Variants in SIPA1L3 observed in about 807,000 individuals in gnomAD.
SIPA1L3 encodes signal induced proliferation associated 1 like 3.
In SIPA1L3, 59 loss-of-function variants were observed where a neutral mutation model predicts 150.1. The observed-to-expected ratio is 0.39, with a 90% CI of 0.32 to 0.49. SIPA1L3 has a LOEUF of 0.49. SIPA1L3 is among the 20% of genes least tolerant of loss of function. The pLI is 0.86. For missense variants in SIPA1L3, 2,211 were observed against 2,489.5 expected (o/e 0.89, Z 2.38); for synonymous variants, 1,070 against 1,077.6 (o/e 0.99, Z 0.14).
At chr19:38,120,940 G>C (rs1415959475) in intron 9 of SIPA1L3, among the ~76,000 whole-genome samples, 1 of 152,222 alleles carries the variant, frequency 6.6e-6, no homozygotes, top group East Asian at 1.9e-4. Flanking sequence ...CTAGTCAGAA[G>C]GCCTGGCTTC....
intron 1 of SIPA1L3, among the ~76,000 whole-genome samples, chr19:37,991,449 G>A (rs1568491946): frequency 6.6e-6 from 1 of 152,172 alleles, no homozygotes; most frequent in Non-Finnish European, 1.5e-5. Flanking sequence ...CCCATTCCTG[G>A]TGCTCTGGGA....
At chr19:38,155,942 G>A (rs1272034850) in intron 13 of SIPA1L3, among the ~76,000 whole-genome samples, 5 of 152,158 alleles carry the variant, frequency 3.3e-5, no homozygotes, top group African/African-American at 9.6e-5. Flanking sequence ...TTAACCAGGC[G>A]TGATGGTGCA....
At chr19:38,160,862 T>C (rs1198278830) in intron 13 of SIPA1L3, among the ~76,000 whole-genome samples, 5 of 152,144 alleles carry the variant, frequency 3.3e-5, no homozygotes, top group Non-Finnish European at 7.3e-5. Flanking sequence ...AACCTAAATA[T>C]CCATCAGTAG....
At chr19:38,055,017 G>A (rs974572866) in intron 2 of SIPA1L3, among the ~76,000 whole-genome samples, 10 of 152,350 alleles carry the variant, frequency 6.6e-5, no homozygotes, top group African/African-American at 2.4e-4. Context: ...GCTTGTAACT[G>A]ATTCGGGGTG....
intron 1 of SIPA1L3, among the ~76,000 whole-genome samples, chr19:38,027,408 T>C (rs1400295296): frequency 2.0e-5 from 3 of 152,156 alleles, no homozygotes; most frequent in Admixed American, 2.0e-4. Flanking sequence ...AGGGGAATGA[T>C]CATTGAAGTT....
chr19:38,122,552 T>G (rs1161411792), intron 9 of SIPA1L3, among the ~76,000 whole-genome samples: 1 of 152,178 alleles, frequency 6.6e-6, no homozygotes, highest in African/African-American at 2.4e-5. Flanking sequence ...CTGTGGCCTG[T>G]TCTCGACGTG....
chr19:38,110,503 G>A (rs112226853), intron 8 of SIPA1L3, 119 bp downstream of exon 8: 9 of 745,058 alleles, frequency 1.2e-5, no homozygotes, highest in Admixed American at 1.0e-4. Flanking sequence ...AGAAGAGCTC[G>A]GCGTATACTC....
intron 1 of SIPA1L3, among the ~76,000 whole-genome samples, chr19:37,977,893 A>C (rs1967111623): frequency 6.6e-6 from 1 of 152,196 alleles, no homozygotes; most frequent in Admixed American, 6.5e-5. Flanking sequence ...GGCCTTTAGG[A>C]GGTCCTTCGT....
chr19:38,204,994 T>C (rs1407362559), intron 21 of SIPA1L3, among the ~76,000 whole-genome samples: 1 of 152,176 alleles, frequency 6.6e-6, no homozygotes, highest in Non-Finnish European at 1.5e-5. Context: ...CAAATCTATA[T>C]ATTTACTAAC....
chr19:37,966,152 T>C (rs2046902132), intron 1 of SIPA1L3, among the ~76,000 whole-genome samples: 1 of 152,200 alleles, frequency 6.6e-6, no homozygotes, highest in Non-Finnish European at 1.5e-5. Flanking sequence ...TTAATTCCAC[T>C]TGGATTTTAA....
intron 13 of SIPA1L3, among the ~76,000 whole-genome samples, chr19:38,160,507 T>G (rs1195035538): frequency 1.3e-5 from 2 of 151,750 alleles, no homozygotes; most frequent in Non-Finnish European, 2.9e-5. Flanking sequence ...GTCCAAGCGA[T>G]TCTTCTGCCT....
chr19:38,142,455 T>A (rs1971609506), intron 11 of SIPA1L3, 118 bp from the exon 12 acceptor site: 1 of 1,184,550 alleles, frequency 8.4e-7, no homozygotes, highest in African/African-American at 1.5e-5. Flanking sequence ...CGGGGGAAAG[T>A]TCGGTTGGTC....
At chr19:38,093,943 T>C (rs1970320057) in intron 4 of SIPA1L3, among the ~76,000 whole-genome samples, 2 of 152,162 alleles carry the variant, frequency 1.3e-5, no homozygotes, top group African/African-American at 4.8e-5. Context: ...CCCAGGACAC[T>C]GGGGACAGAG....
intron 4 of SIPA1L3, among the ~76,000 whole-genome samples, chr19:38,097,309 A>C (rs1360644686): frequency 6.6e-6 from 1 of 152,044 alleles, no homozygotes; most frequent in Non-Finnish European, 1.5e-5. Context: ...TGATTGTGCC[A>C]CTCCATTCCA....
intron 4 of SIPA1L3, among the ~76,000 whole-genome samples, chr19:38,094,661 A>C (rs545590159): frequency 1.3e-5 from 2 of 152,344 alleles, no homozygotes; most frequent in Non-Finnish European, 2.9e-5. Context: ...AGCTAGGTGC[A>C]GTGGCTCACA....
At position 38,198,395 on chromosome 19, in the gene SIPA1L3, T is replaced by C. The variant is rs1384450414; in HGVS notation, c.4847T>C (p.Ile1616Thr). The part of the protein sequence containing the change: ...GSGFPEKKST[I>T]SASELSLADG... ...CTCCACCCTCCCCATCCAGCCACCA[T>C]CTCAGCCTCGGAGCTCTCGCTGGCT... Residue 1616 changes from isoleucine (I) to threonine (T), a missense_variant, in exon 19 of 22, where the codon ATC (isoleucine) becomes ACC (threonine). Transcript: ENST00000222345. 9 of 1,556,988 alleles carry C rather than the reference T, an allele frequency of 5.8e-6. No homozygotes were observed. Among genetic ancestry groups the C allele is most frequent in the Non-Finnish European group, 6.9e-6 (8 of 1,153,756 alleles).
chr19:38,176,210 G>A (rs60500405), intron 15 of SIPA1L3, among the ~76,000 whole-genome samples: 3 of 151,038 alleles, frequency 2.0e-5, no homozygotes, highest in African/African-American at 2.4e-5. Context: ...ATGGGGTTTC[G>A]CCATGTTGGC....
chr19:37,960,870 A>AT (rs1479320869), intron 1 of SIPA1L3, among the ~76,000 whole-genome samples: 38 of 148,986 alleles, frequency 2.6e-4, no homozygotes, highest in East Asian at 1.2e-3. Context: ...AAAAAAAAAT[A>AT]TATTTTTTTT....
At chr19:38,060,103 T>G (rs1026904014) in intron 2 of SIPA1L3, among the ~76,000 whole-genome samples, 3 of 152,202 alleles carry the variant, frequency 2.0e-5, no homozygotes, top group Non-Finnish European at 4.4e-5. Flanking sequence ...GCAACTGCTC[T>G]CTGCACTTCA....
Sources: allele counts gnomAD v4.1 joint callset (sites outside exome capture counted in the v4.1 genomes callset), GRCh38; gene constraint gnomAD v4.1.1; transcripts MANE v1.5; gene names NCBI Gene and HGNC (gene_info 2026-07-23, HGNC 2026-07-21).